The following PID1 variants were observed in gnomAD, a reference collection of about 807,000 sequenced individuals.
PID1 encodes phosphotyrosine interaction domain containing 1.
In PID1, 10 loss-of-function variants were observed where a neutral mutation model predicts 19.1. That is an observed-to-expected ratio of 0.52 (90% CI 0.32 to 0.89). The LOEUF (loss-of-function observed/expected upper bound fraction) is 0.89, where lower values mean the gene tolerates loss of function less well. Among genes scored for constraint, PID1 ranks in the 40% least tolerant of loss-of-function variants. PID1 has a pLI of 0.03. For missense variants in PID1, 248 were observed against 285.3 expected, an observed-to-expected ratio of 0.87 and a Z score of 0.94; for synonymous variants, 130 against 116.0, an observed-to-expected ratio of 1.12 and a Z score of -0.78.
At chr2:229,106,892 C>A (rs1695188574) in intron 2 of PID1, among the ~76,000 whole-genome samples, 1 of 152,110 alleles carries the variant, frequency 6.6e-6, no homozygotes, top group Non-Finnish European at 1.5e-5. Flanking sequence ...TTGCTATCCC[C>A]CAGTACCTGC....
Position 229,170,025 on chromosome 2 carries a change from G to T in PID1, c.31-14061C>A, listed in dbSNP as rs577503801. Among the ~76,000 whole-genome samples the T allele has an allele frequency of 2.6e-5, 4 of 152,170 alleles. No individual in the cohort carries two copies. In the East Asian group the frequency reaches 7.7e-4, roughly 29 times the overall value. ...CAGCATGCCATACCAGATCACTTCC[G>T]AACCCCTGTCAAGAGCTGACAAGGT... On this transcript the variant is annotated intron_variant, in intron 1 of 2. Coordinates refer to ENST00000392055, the MANE Select transcript of PID1 (RefSeq NM_001100818.2).
intron 1 of PID1, among the ~76,000 whole-genome samples, chr2:229,157,566 T>C (rs1483902831): frequency 6.6e-6 from 1 of 152,146 alleles, no homozygotes; most frequent in Non-Finnish European, 1.5e-5. Flanking sequence ...ACCACCCACC[T>C]TCACAGAGCA....
chr2:229,177,841 A>G (rs1396916936), intron 1 of PID1, among the ~76,000 whole-genome samples: 1 of 152,138 alleles, frequency 6.6e-6, no homozygotes, highest in Non-Finnish European at 1.5e-5. Flanking sequence ...GCTCACGACA[A>G]TGCTCTGAGG....
chr2:229,164,867 G>A (rs528326993), intron 1 of PID1, among the ~76,000 whole-genome samples: 207 of 152,292 alleles, frequency 1.4e-3, no homozygotes, highest in Non-Finnish European at 2.7e-3. Context: ...CAAGAGAAGA[G>A]AACTTCACAG....
intron 1 of PID1, among the ~76,000 whole-genome samples, chr2:229,259,122 C>T (rs1412032406): frequency 6.7e-6 from 1 of 149,110 alleles, no homozygotes; most frequent in African/African-American, 2.5e-5. Context: ...TTTTAATTCA[C>T]ATTTACCTAA....
chr2:229,102,590 C>T (rs1695095723), intron 2 of PID1, among the ~76,000 whole-genome samples: 1 of 152,210 alleles, frequency 6.6e-6, no homozygotes, highest in African/African-American at 2.4e-5. Context: ...TGGTCTGCAT[C>T]GTTTCTGGTG....
chr2:229,269,547 C>A (rs2106298279), intron 1 of PID1, among the ~76,000 whole-genome samples: 1 of 152,350 alleles, frequency 6.6e-6, no homozygotes, highest in South Asian at 2.1e-4. Context: ...CAAAAGCTAC[C>A]CTCTGCACTT....
At chr2:229,043,009 A>T (rs545085073) in intron 2 of PID1, among the ~76,000 whole-genome samples, 7 of 145,394 alleles carry the variant, frequency 4.8e-5, no homozygotes, top group South Asian at 2.2e-4. Flanking sequence ...AAAGGGAGAA[A>T]TTTTTTTTTT....
intron 2 of PID1, among the ~76,000 whole-genome samples, chr2:229,128,687 G>A (rs1005233781): frequency 1.7e-4 from 26 of 152,032 alleles, no homozygotes; most frequent in African/African-American, 6.0e-4. Flanking sequence ...ACCATGCATT[G>A]AATGTCTATT....
At chr2:229,253,634 G>A (rs940459946) in intron 1 of PID1, among the ~76,000 whole-genome samples, 4 of 150,434 alleles carry the variant, frequency 2.7e-5, no homozygotes, top group African/African-American at 9.8e-5. Flanking sequence ...CCATCTCCCA[G>A]TTAAGCATGC....
chr2:229,053,734 T>C (rs1320567452), intron 2 of PID1, among the ~76,000 whole-genome samples: 1 of 152,218 alleles, frequency 6.6e-6, no homozygotes, highest in Admixed American at 6.5e-5. Flanking sequence ...TTATAGTTAC[T>C]CGAACAGTTG....
At chr2:229,100,104 A>T (rs1292370528) in intron 2 of PID1, among the ~76,000 whole-genome samples, 1 of 152,142 alleles carries the variant, frequency 6.6e-6, no homozygotes, top group Non-Finnish European at 1.5e-5. Flanking sequence ...ACCAACTAAA[A>T]AGAGGCCCCT....
chr2:229,083,973 T>C (rs1047827291), intron 2 of PID1, among the ~76,000 whole-genome samples: 8 of 152,184 alleles, frequency 5.3e-5, no homozygotes, highest in South Asian at 2.1e-4. Flanking sequence ...AACCAGGCAG[T>C]GAAGTTCAGT....
intron 2 of PID1, among the ~76,000 whole-genome samples, chr2:229,110,825 G>A (rs1052351435): frequency 1.3e-5 from 2 of 152,118 alleles, no homozygotes; most frequent in African/African-American, 2.4e-5. Context: ...TCTTCTGCAC[G>A]TCCTGTGCTC....
intron 1 of PID1, among the ~76,000 whole-genome samples, chr2:229,182,617 T>A (rs1690969081): frequency 6.6e-6 from 1 of 152,164 alleles, no homozygotes; most frequent in African/African-American, 2.4e-5. Flanking sequence ...TGCCATCTGT[T>A]CCCTGTGACT....
intron 2 of PID1, among the ~76,000 whole-genome samples, chr2:229,091,071 C>T: frequency 6.6e-6 from 1 of 152,130 alleles, no homozygotes; most frequent in East Asian, 1.9e-4. Flanking sequence ...CCCTTTTAAA[C>T]TTTATCTATA....
chr2:229,150,401 A>G (rs1449933269), intron 2 of PID1, among the ~76,000 whole-genome samples: 1 of 152,076 alleles, frequency 6.6e-6, no homozygotes, highest in East Asian at 1.9e-4. Context: ...CGCTGACCCC[A>G]CCAGCCATAC....
In PID1 at chr2:229,240,620, T is replaced by C. The variant is rs542025423; in HGVS notation, c.30+30394A>G. Among the ~76,000 whole-genome samples the C allele has an allele frequency of 9.9e-5, 15 of 152,274 alleles. No homozygotes were observed. The East Asian group carries it at 2.9e-3, about 29-fold the overall frequency. ...GTATATAATGGACTGTTTTTCTCAC[T>C]GTTGTCATGATTACCTCATTGCTTT... On this transcript the variant is annotated intron_variant, in intron 1 of 2. Transcript: ENST00000392055.
intron 2 of PID1, among the ~76,000 whole-genome samples, chr2:229,152,703 C>T (rs1202814272): frequency 6.6e-6 from 1 of 151,202 alleles, no homozygotes; most frequent in East Asian, 1.9e-4. Context: ...CACACAAAGA[C>T]CCAGCTGCCC....
Sources: allele counts gnomAD v4.1 joint callset (sites outside exome capture counted in the v4.1 genomes callset), GRCh38; gene constraint gnomAD v4.1.1; transcripts MANE v1.5; gene names NCBI Gene and HGNC (gene_info 2026-07-23, HGNC 2026-07-21).